SPMAP2L: variants seen among roughly 807,000 people sequenced by gnomAD.
SPMAP2L encodes the protein sperm microtubule associated protein 2 like, also known as sperm microtubule associated protein 2-like.
chr4:56,579,494 G>C, the SPMAP2L span, among the ~76,000 whole-genome samples: 5 of 152,010 alleles, frequency 3.3e-5, no homozygotes, highest in South Asian at 2.1e-4. Flanking sequence ...AAAGGGCAGG[G>C]CATGGTGGTT....
chr4:56,548,836 T>TA, the SPMAP2L span: 2 of 1,468,418 alleles, frequency 1.4e-6, no homozygotes, highest in South Asian at 1.4e-5. Flanking sequence ...AAGACATAGT[T>TA]ATAGTACTAT....
the SPMAP2L span, among the ~76,000 whole-genome samples, chr4:56,587,400 T>A: frequency 6.6e-6 from 1 of 152,096 alleles, no homozygotes; most frequent in Non-Finnish European, 1.5e-5. Flanking sequence ...ATTTGTGAGA[T>A]TTTGGTGCAC....
At chr4:56,583,136 T>C in the SPMAP2L span, among the ~76,000 whole-genome samples, 2 of 151,852 alleles carry the variant, frequency 1.3e-5, no homozygotes, top group African/African-American at 4.8e-5. Flanking sequence ...TAGCCAGGCA[T>C]GGTGGTGTGT....
the SPMAP2L span, among the ~76,000 whole-genome samples, chr4:56,556,016 A>AG: frequency 2.6e-5 from 4 of 152,348 alleles, no homozygotes; most frequent in African/African-American, 9.6e-5. Flanking sequence ...TGAAAACAAT[A>AG]GAAAAATTGG....
chr4:56,611,441 G>A, the SPMAP2L span, among the ~76,000 whole-genome samples: 16 of 152,236 alleles, frequency 1.1e-4, 1 homozygote, highest in South Asian at 8.3e-4. Context: ...TGTGGGAAGC[G>A]GGTGAGGGAT....
the SPMAP2L span, among the ~76,000 whole-genome samples, chr4:56,545,409 C>G: frequency 8.1e-3 from 1,233 of 152,218 alleles, 62 homozygotes; most frequent in Admixed American, 0.073. Flanking sequence ...CATGTGAGTA[C>G]ATGTTTACAA....
At chr4:56,593,809 T>C in the SPMAP2L span, 11 of 1,606,388 alleles carry the variant, frequency 6.8e-6, no homozygotes, top group Non-Finnish European at 9.4e-6. Context: ...TCTGTACAGC[T>C]CAGGCCCTCT....
the SPMAP2L span, chr4:56,594,477 G>C: frequency 5.0e-6 from 8 of 1,606,164 alleles, no homozygotes; most frequent in Non-Finnish European, 6.8e-6. Context: ...GAACTCACAG[G>C]TTATGACCAG....
the SPMAP2L span, among the ~76,000 whole-genome samples, chr4:56,588,253 C>A: frequency 6.6e-6 from 1 of 151,738 alleles, no homozygotes; most frequent in Non-Finnish European, 1.5e-5. Flanking sequence ...GATTTTCTCC[C>A]ACTCTGTGGG....
the SPMAP2L span, among the ~76,000 whole-genome samples, chr4:56,586,408 T>C: frequency 6.6e-6 from 1 of 152,308 alleles, no homozygotes. Context: ...CCTTTTCTTA[T>C]AATGACACTA....
the SPMAP2L span, chr4:56,603,478 T>C: frequency 3.9e-6 from 2 of 507,098 alleles, no homozygotes; most frequent in Non-Finnish European, 6.9e-6. Context: ...GATCATTAAA[T>C]AGCAGTTGTT....
chr4:56,603,149 A>G, the SPMAP2L span: 1 of 1,239,440 alleles, frequency 8.1e-7, no homozygotes, highest in Non-Finnish European at 1.1e-6. Flanking sequence ...TGCTTGAGAA[A>G]CATTAGCTAC....
the SPMAP2L span, among the ~76,000 whole-genome samples, chr4:56,567,442 GTTTTTTTTTTTT>G: frequency 1.4e-4 from 9 of 65,580 alleles, no homozygotes; most frequent in African/African-American, 5.5e-4. Flanking sequence ...AATTTTGGTG[GTTTTTTTTTTTT>G]TTTTTTTTTT....
At chr4:56,620,529 G>T in the SPMAP2L span, among the ~76,000 whole-genome samples, 5,122 of 152,166 alleles carry the variant, frequency 0.034, 236 homozygotes, top group African/African-American at 0.11. Flanking sequence ...GGGATTACAG[G>T]CATGCGCCAT....
the SPMAP2L span, among the ~76,000 whole-genome samples, chr4:56,548,480 G>C: frequency 6.6e-6 from 1 of 151,928 alleles, no homozygotes; most frequent in Non-Finnish European, 1.5e-5. Flanking sequence ...TTTAATTTTT[G>C]ACACAGAAAT....
At chr4:56,581,032 T>C in the SPMAP2L span, among the ~76,000 whole-genome samples, 1 of 152,128 alleles carries the variant, frequency 6.6e-6, no homozygotes, top group Non-Finnish European at 1.5e-5. Context: ...TACTGTATGA[T>C]TTCACTTATT....
chr4:56,556,854 G>A, the SPMAP2L span, among the ~76,000 whole-genome samples: 6 of 152,016 alleles, frequency 3.9e-5, no homozygotes, highest in Non-Finnish European at 7.4e-5. Context: ...CAGCCTGGGC[G>A]ACTGAGAGAG....
the SPMAP2L span, among the ~76,000 whole-genome samples, chr4:56,537,744 G>A: frequency 5.9e-5 from 9 of 151,566 alleles, no homozygotes; most frequent in South Asian, 2.1e-4. Flanking sequence ...AGGCTGGAGT[G>A]CAGTGGCGCG....
chr4:56,571,607 A>T, the SPMAP2L span, among the ~76,000 whole-genome samples: 4 of 152,236 alleles, frequency 2.6e-5, no homozygotes, highest in East Asian at 7.7e-4. Flanking sequence ...ATGCTTTGGG[A>T]GGCCAAAATG....
Sources: allele counts gnomAD v4.1 joint callset (sites outside exome capture counted in the v4.1 genomes callset), GRCh38; gene constraint gnomAD v4.1.1; transcripts MANE v1.5; gene names NCBI Gene and HGNC (gene_info 2026-07-23, HGNC 2026-07-21).